RILPL1: variants seen among roughly 807,000 people sequenced by gnomAD.
RILPL1 encodes the protein Rab interacting lysosomal protein like 1.
In RILPL1, 33 loss-of-function variants were observed where a neutral mutation model predicts 50.3. That is an observed-to-expected ratio of 0.66 (90% confidence interval 0.50 to 0.88). The LOEUF (loss-of-function observed/expected upper bound fraction) is 0.88. RILPL1 is among the 40% of genes least tolerant of loss of function. The probability of loss-of-function intolerance (pLI) is 0.00; values close to 1 mark genes in which losing one functional copy is unlikely to be tolerated. For synonymous variants in RILPL1, 205 were observed against 228.6 expected, an observed-to-expected ratio of 0.90 and a Z score of 0.93; for missense variants, 418 against 542.5, an observed-to-expected ratio of 0.77 and a Z score of 2.28.
At position 123,499,469 on chromosome 12, in the gene RILPL1, C is replaced by T; in HGVS notation, c.528G>A (p.Glu176=). The change falls in exon 3 of 7, where the codon GAG becomes GAA. Residue 176 remains glutamate, a synonymous_variant. Coordinates refer to ENST00000376874, the MANE Select transcript of RILPL1 (RefSeq NM_178314.5). ...CCAGCTCCCTGTCCTTGGCGCGGAT[C>T]TCGTCGCGTTGTTTGTCCACCACCT... ...LKEVVDKQRD[E]IRAKDRELGL... is the part of the protein sequence containing the mutation. 1.9e-6 allele frequency: 3 copies of T among 1,613,980 alleles called. No individual in the cohort carries two copies. Among genetic ancestry groups the T allele is most frequent in the Non-Finnish European group, 2.5e-6 (3 of 1,179,870 alleles).
intron 2 of RILPL1, among the ~76,000 whole-genome samples, chr12:123,502,399 G>A (rs56343236): frequency 0.076 from 11,499 of 152,180 alleles, 1,365 homozygotes; most frequent in African/African-American, 0.25. Flanking sequence ...TTTTGTTATC[G>A]GGCATGCAAG....
intron 2 of RILPL1, among the ~76,000 whole-genome samples, chr12:123,509,205 A>G (rs1288207445): frequency 6.6e-6 from 1 of 152,156 alleles, no homozygotes; most frequent in Non-Finnish European, 1.5e-5. Context: ...ATGTCCATCA[A>G]CGGAAGAATG....
chr12:123,490,072 A>C (rs1262167328), intron 4 of RILPL1, among the ~76,000 whole-genome samples: 1 of 152,014 alleles, frequency 6.6e-6, no homozygotes, highest in Non-Finnish European at 1.5e-5. Flanking sequence ...TGGACCCTGC[A>C]GGCAGCAGTG....
intron 2 of RILPL1, among the ~76,000 whole-genome samples, chr12:123,523,102 C>A (rs1027605926): frequency 1.3e-5 from 2 of 152,198 alleles, no homozygotes; most frequent in Admixed American, 1.3e-4. Flanking sequence ...GCCCCACTGC[C>A]GCTCTCCCAG....
chr12:123,475,583 C>T, intron 6 of RILPL1: 2 of 889,290 alleles, frequency 2.2e-6, no homozygotes, highest in Admixed American at 2.0e-5. Context: ...CAGGGGGAGA[C>T]AGGTCAGCCC....
chr12:123,520,721 G>A (rs575046409), intron 2 of RILPL1, among the ~76,000 whole-genome samples: 1 of 152,300 alleles, frequency 6.6e-6, no homozygotes, highest in African/African-American at 2.4e-5. Flanking sequence ...GCCCCAGAAT[G>A]TGCCTCCCTG....
At chr12:123,508,393 C>CA (rs1222311782) in intron 2 of RILPL1, among the ~76,000 whole-genome samples, 18 of 150,654 alleles carry the variant, frequency 1.2e-4, no homozygotes, top group Admixed American at 2.6e-4. Context: ...GACCCTGCCT[C>CA]AAAAAAAACA....
In RILPL1 at chr12:123,491,090, C is replaced by G. The variant is rs539214024; in HGVS notation, c.802-5285G>C. 6.6e-6 allele frequency among the ~76,000 whole-genome samples: 1 copy of G among 152,328 alleles called. No homozygotes were observed. Among genetic ancestry groups the G allele is most frequent in the African/African-American group, 2.4e-5 (1 of 41,576 alleles). On this transcript the variant is annotated intron_variant, in intron 4 of 6. Transcript: ENST00000376874. This position sits in a 1 kb window ranked among gnomAD's most constrained non-coding sequence, Gnocchi z 4.0. Reference sequence around the variant, plus strand: ...TTGCCTGAAAGTACAGGCAGAAGGACAGCCCTGGGCTCCAGCTTCTCGAGA... The same window carrying G: ...TTGCCTGAAAGTACAGGCAGAAGGAGAGCCCTGGGCTCCAGCTTCTCGAGA...
chr12:123,511,685 GGTGT>G (rs144022657), intron 2 of RILPL1, among the ~76,000 whole-genome samples: 9 of 124,330 alleles, frequency 7.2e-5, no homozygotes, highest in African/African-American at 1.2e-4. Flanking sequence ...TGTGGTGTGT[GGTGT>G]GTGTGTGTGG....
At chr12:123,476,541 A>C (rs549688951) in intron 6 of RILPL1, among the ~76,000 whole-genome samples, 107 of 152,130 alleles carry the variant, frequency 7.0e-4, no homozygotes, top group African/African-American at 2.4e-3. Context: ...TATGACTGGT[A>C]TCCTTATAAA....
rs1168627429 is a variant in RILPL1, at chr12:123,470,456, G to A, written c.*2082C>T. 1 of 113,040 alleles carries A rather than the reference G, an allele frequency of 8.8e-6. No homozygotes were observed. The highest frequency in any genetic ancestry group is 3.6e-5 in the African/African-American group (1 of 27,860). 7.0% of individuals were successfully genotyped at this position (113,040 alleles called of 1,614,324 possible). On this transcript the variant is annotated 3_prime_UTR_variant, in exon 7 of 7. Coordinates refer to ENST00000376874, the MANE Select transcript of RILPL1 (RefSeq NM_178314.5). ...CCACTGTACTCCAGCCTAGGTGACA[G>A]AGTGAGACCCTGTGTCCAAAAAAAA...
intron 2 of RILPL1, among the ~76,000 whole-genome samples, chr12:123,505,582 T>C (rs942359675): frequency 3.9e-5 from 6 of 152,128 alleles, no homozygotes; most frequent in Non-Finnish European, 8.8e-5. Context: ...TCCCACCAAG[T>C]GCTAGGACTA....
Position 123,485,772 on chromosome 12 carries a change from C to A in RILPL1, c.835G>T (p.Ala279Ser). ...TTGAGATCCATGGCCACCTTCTCTG[C>A]GTCGGAGATGCTCTCCTCTCCCACC... ...EPVGEESISD[A>S]EKVAMDLKDP... The change falls in exon 5 of 7, where the codon GCA becomes TCA. Residue 279 changes from alanine (A) to serine (S), a missense_variant. Transcript: ENST00000376874. The surrounding 1 kb of genome is among the most constrained non-coding windows in gnomAD (Gnocchi z 4.0). 2.5e-6 allele frequency: 4 copies of A among 1,610,808 alleles called. No individual in the cohort carries two copies. Among genetic ancestry groups the A allele is most frequent in the African/African-American group, 1.3e-5 (1 of 74,836 alleles).
At chr12:123,524,681 CAT>C (rs766040381) in intron 1 of RILPL1, among the ~76,000 whole-genome samples, 23 of 152,292 alleles carry the variant, frequency 1.5e-4, no homozygotes, top group Non-Finnish European at 2.2e-4. Context: ...CAAAAGGTCA[CAT>C]GTTATATGAT....
At chr12:123,514,192 T>C (rs987983273) in intron 2 of RILPL1, 1 of 151,846 alleles carries the variant, frequency 6.6e-6, no homozygotes, top group Non-Finnish European at 1.5e-5. Flanking sequence ...TGACGTGGGG[T>C]CTAAGATCAG....
chr12:123,499,631 G>T, intron 2 of RILPL1, 95 bp from the exon 3 acceptor site: 1 of 908,578 alleles, frequency 1.1e-6, no homozygotes, highest in Non-Finnish European at 1.8e-6. Flanking sequence ...AGGTCTTAGT[G>T]GCCCCCCGGC....
chr12:123,533,069 T>G lies in RILPL1; in HGVS notation c.309+105A>C. ...CCACGTCGGGTCTCCTCTGGTCCGG[T>G]CCCTGAACACACACACGTGCGCACC... On this transcript the variant is annotated intron_variant, in intron 1 of 6. Coordinates refer to ENST00000376874, the MANE Select transcript of RILPL1 (RefSeq NM_178314.5). This position sits in a 1 kb window ranked among gnomAD's most constrained non-coding sequence, Gnocchi z 6.2. 1 of 1,241,982 alleles carries G rather than the reference T, an allele frequency of 8.1e-7. No homozygotes were observed. The highest frequency in any genetic ancestry group is 1.5e-5 in the South Asian group (1 of 66,398). 76.9% of individuals were successfully genotyped at this position (1,241,982 alleles called of 1,614,324 possible).
intron 1 of RILPL1, among the ~76,000 whole-genome samples, chr12:123,532,881 G>A (rs534384578): frequency 1.3e-5 from 2 of 152,300 alleles, no homozygotes; most frequent in South Asian, 4.1e-4. Flanking sequence ...TTTGACAGGT[G>A]AGGAAATAAA....
chr12:123,512,975 G>A (rs1390306249), intron 2 of RILPL1, among the ~76,000 whole-genome samples: 2 of 138,022 alleles, frequency 1.4e-5, no homozygotes, highest in Non-Finnish European at 3.1e-5. Context: ...GTGTGTGTGA[G>A]GTCTGTGTGT....
Sources: gnomAD v4.1 joint callset for allele counts (sites outside exome capture counted in the v4.1 genomes callset) on GRCh38, gnomAD v4.1.1 for gene constraint, Gnocchi (gnomAD v3.1) non-coding constraint, MANE v1.5 for transcripts, NCBI Gene and HGNC (gene_info 2026-07-23, HGNC 2026-07-21) for gene names.